Variants in NIN observed in about 807,000 individuals in gnomAD.
NIN encodes the protein glycogen synthase kinase 3 beta-interacting protein.
A neutral mutation model predicts 257.6 loss-of-function variants in NIN; 137 were observed. The observed-to-expected ratio is 0.53, with a 90% CI of 0.46 to 0.61. The LOEUF (loss-of-function observed/expected upper bound fraction) is 0.61. NIN is among the 20% of genes least tolerant of loss of function. The pLI, the probability that NIN is intolerant of heterozygous loss-of-function variation, is 0.00. For synonymous variants in NIN, 918 were observed against 919.8 expected (o/e 1.00, Z 0.04); for missense variants, 2,439 against 2,501.2 (o/e 0.98, Z 0.53).
intron 3 of NIN, among the ~76,000 whole-genome samples, chr14:50,808,779 C>A (rs1449944089): frequency 1.3e-5 from 2 of 152,134 alleles, no homozygotes; most frequent in Non-Finnish European, 2.9e-5. Flanking sequence ...ATTTATAATA[C>A]CGCTTCCCTG....
At chr14:50,752,900 C>G (rs1440334147) in intron 20 of NIN, among the ~76,000 whole-genome samples, 167 bp from the exon 21 acceptor site, 1 of 151,912 alleles carries the variant, frequency 6.6e-6, no homozygotes, top group African/African-American at 2.4e-5. Context: ...CAAATTCATT[C>G]CATTCACAAG....
At chr14:50,798,736 G>A (rs1016902705) in intron 4 of NIN, among the ~76,000 whole-genome samples, 3 of 152,126 alleles carry the variant, frequency 2.0e-5, no homozygotes, top group Non-Finnish European at 2.9e-5. Flanking sequence ...TCATGGAACC[G>A]TTTCTCCTCT....
At chr14:50,807,466 C>T (rs1321134341) in intron 3 of NIN, among the ~76,000 whole-genome samples, 1 of 152,150 alleles carries the variant, frequency 6.6e-6, no homozygotes, top group Middle Eastern at 3.2e-3. Flanking sequence ...ATAGTCAGAA[C>T]TAGGATATTA....
intron 4 of NIN, among the ~76,000 whole-genome samples, chr14:50,793,229 A>G (rs577830826): frequency 1.3e-5 from 2 of 152,228 alleles, no homozygotes; most frequent in South Asian, 4.1e-4. Flanking sequence ...ATGGGGAGAC[A>G]TCATATTAAC....
chr14:50,762,001 G>A (rs1254434000), intron 15 of NIN, 90 bp from the exon 16 acceptor site: 4 of 1,394,080 alleles, frequency 2.9e-6, no homozygotes, highest in Non-Finnish European at 4.0e-6. Flanking sequence ...TTTAACTAAG[G>A]AATGATTTTC....
At chr14:50,772,074 A>G (rs1205705355) in intron 9 of NIN, 1 of 461,938 alleles carries the variant, frequency 2.2e-6, no homozygotes, top group East Asian at 3.3e-5. Flanking sequence ...CACAATTGTA[A>G]GAGTATTTCT....
At chr14:50,729,401 C>T (rs1293230766) in intron 29 of NIN, 122 bp downstream of exon 29, 5 of 890,846 alleles carry the variant, frequency 5.6e-6, no homozygotes, top group East Asian at 5.4e-5. Context: ...TCCCAAGTAG[C>T]TGGGACTACA....
chr14:50,768,915 T>C (rs760144545), intron 12 of NIN, among the ~76,000 whole-genome samples: 2 of 152,092 alleles, frequency 1.3e-5, no homozygotes, highest in African/African-American at 2.4e-5. Context: ...GAGAGTCACT[T>C]TGGAGCATCA....
chr14:50,739,859 T>C (rs1300464699), intron 25 of NIN, among the ~76,000 whole-genome samples: 7 of 152,210 alleles, frequency 4.6e-5, no homozygotes, highest in South Asian at 2.1e-4. Flanking sequence ...CCAGAAGATA[T>C]TCATTTGATT....
At chr14:50,734,312 G>T (rs1384620662) in intron 28 of NIN, among the ~76,000 whole-genome samples, 1 of 151,856 alleles carries the variant, frequency 6.6e-6, no homozygotes, top group African/African-American at 2.4e-5. Context: ...GGCTGGTCTC[G>T]AACTCCTGAC....
intron 5 of NIN, among the ~76,000 whole-genome samples, chr14:50,780,521 T>A (rs2043093715): frequency 6.6e-6 from 1 of 152,212 alleles, no homozygotes; most frequent in South Asian, 2.1e-4. Flanking sequence ...TTAATACGAG[T>A]TGAAGTTCTT....
At chr14:50,754,519 T>G in intron 20 of NIN, 44 bp downstream of exon 20, 1 of 1,508,390 alleles carries the variant, frequency 6.6e-7, no homozygotes. Flanking sequence ...AATGGGAAAA[T>G]TTTGGAATCA....
rs1183824818 is a variant in NIN at position 50,778,789 on chromosome 14, G to T, written c.451C>A (p.Arg151Ser). Residue 151 changes from arginine (R) to serine (S), a missense_variant, in exon 6 of 31, where the codon CGC (arginine) becomes AGC (serine). By Grantham distance (110) the Arg-to-Ser change is moderately radical. Transcript: ENST00000530997. ...GDCSEHWKTQ[R>S]SEEYEAEGQL... ...CCTTCCGCTTCATACTCCTCACTGC[G>T]TTGCGTCTTCCAGTGCTAGAGAAGG... 1 of 1,614,042 alleles carries T rather than the reference G, an allele frequency of 6.2e-7. No homozygotes were observed. Among genetic ancestry groups the T allele is most frequent in the Non-Finnish European group, 8.5e-7 (1 of 1,179,988 alleles).
At position 50,743,505 on chromosome 14, in the gene NIN, G is replaced by T. The variant is rs146564518; in HGVS notation, c.5212C>A (p.His1738Asn). 4.5e-5 allele frequency: 72 copies of T among 1,613,156 alleles called. No homozygotes were observed. Among genetic ancestry groups the T allele is most frequent in the Non-Finnish European group, 5.9e-5 (69 of 1,179,282 alleles). Residue 1738 changes from histidine (H) to asparagine (N), a missense_variant, in exon 24 of 31, where the codon CAT becomes AAT. This residue lies in a region of NIN where 2,043 missense variants were observed against 2,050.2 expected (regional missense o/e 1.00). Coordinates refer to ENST00000530997, the MANE Select transcript of NIN (RefSeq NM_020921.4). Reference protein sequence around the residue: ...DKLAKSSLLEHRIATMKQEQK... With the variant: ...DKLAKSSLLENRIATMKQEQK... ...TCCTGCTTCATCGTCGCAATTCTAT[G>T]CTCTAAAAGACTTGATTTTGCCAAC...
At chr14:50,767,619 C>A (rs1044403757) in intron 12 of NIN, among the ~76,000 whole-genome samples, 8 of 152,066 alleles carry the variant, frequency 5.3e-5, no homozygotes, top group African/African-American at 1.2e-4. Context: ...AGATCGAGAC[C>A]ATCCTGGCGA....
chr14:50,769,623 C>G (rs919739966), intron 12 of NIN, among the ~76,000 whole-genome samples: 1 of 152,156 alleles, frequency 6.6e-6, no homozygotes, highest in African/African-American at 2.4e-5. Context: ...GCCTCAGCCT[C>G]CTGCGTAGCT....
chr14:50,757,447 C>T lies in NIN; in HGVS notation c.3583G>A (p.Glu1195Lys). ...AGCTGACTAATCTGATTCTTCAGCT[C>T]CCAGGATTCAGTCCTGGTCTCTTCA... is the stretch of plus-strand genomic sequence containing the variant. ...NSEETRTESWELKNQISQLQE... is the reference protein window; with the variant it reads ...NSEETRTESWKLKNQISQLQE... The change falls in exon 18 of 31, where the codon GAG becomes AAG. Residue 1195 changes from glutamate to lysine, a missense_variant. Transcript: ENST00000530997. The T allele has an allele frequency of 6.2e-7, 1 of 1,614,098 alleles. No individual in the cohort carries two copies. Among genetic ancestry groups the T allele is most frequent in the Non-Finnish European group, 8.5e-7 (1 of 1,179,986 alleles).
intron 21 of NIN, among the ~76,000 whole-genome samples, chr14:50,751,778 C>T (rs1195615637): frequency 2.0e-5 from 3 of 152,276 alleles, no homozygotes; most frequent in Non-Finnish European, 4.4e-5. Context: ...TCTCCTGCCT[C>T]GGCCTCCCAA....
At position 50,766,847 on chromosome 14, in the gene NIN, T is replaced by C. The variant is rs1374052045; in HGVS notation, c.1478A>G (p.Lys493Arg). 6.2e-7 allele frequency: 1 copy of C among 1,614,056 alleles called. No individual in the cohort carries two copies. Among genetic ancestry groups the C allele is most frequent in the Non-Finnish European group, 8.5e-7 (1 of 1,179,982 alleles). The change falls in exon 13 of 31, where the codon AAG (lysine) becomes AGG (arginine). Residue 493 changes from lysine to arginine, a missense_variant. Physicochemically the swap from Lys to Arg is conservative, Grantham distance 26. Coordinates refer to ENST00000530997, the MANE Select transcript of NIN (RefSeq NM_020921.4). Reference protein sequence around the residue: ...LENELLENAEKLAEYENLTNK... With the variant: ...LENELLENAERLAEYENLTNK... ...TGTCAGATTCTCATATTCTGCCAAC[T>C]TCTCTGCATTTTCTAGAAGCTCATT... is the stretch of plus-strand genomic sequence containing the variant.
Sources: gnomAD v4.1 joint callset for allele counts (sites outside exome capture counted in the v4.1 genomes callset) on GRCh38, gnomAD v4.1.1 for gene constraint, gnomAD v4.1.1 regional missense constraint, MANE v1.5 for transcripts, NCBI Gene and HGNC (gene_info 2026-07-23, HGNC 2026-07-21) for gene names.